Variants in COL6A2 observed in about 807,000 individuals in gnomAD.
COL6A2 encodes collagen alpha-2(VI) chain.
In COL6A2, 90 loss-of-function variants were observed where a neutral mutation model predicts 124.9. That is an observed-to-expected ratio of 0.72 (90% CI 0.61 to 0.86). The LOEUF is 0.86. Ranked by LOEUF, COL6A2 falls within the 40% of genes least tolerant of loss-of-function variation. The pLI is 0.00. For missense variants in COL6A2, 1,607 were observed against 1,502.5 expected (o/e 1.07, Z -1.15); for synonymous variants, 793 against 618.2 (o/e 1.28, Z -4.19).
chr21:46,132,055 T>C lies in COL6A2; in HGVS notation c.2563T>C (p.Phe855Leu). 1 of 1,607,284 alleles carries C rather than the reference T, an allele frequency of 6.2e-7. No homozygotes were observed. Among genetic ancestry groups the C allele is most frequent in the Non-Finnish European group, 8.5e-7 (1 of 1,178,884 alleles). Reference sequence around the variant, plus strand: ...GCAGAACTTCCACAAGGCCCGGCGCTTCGTGGAGCAGGTGGCGCGGCGGCT... The same window carrying C: ...GCAGAACTTCCACAAGGCCCGGCGCCTCGTGGAGCAGGTGGCGCGGCGGCT... ...GEQNFHKARR[F>L]VEQVARRLTL... Residue 855 changes from phenylalanine to leucine, a missense_variant, in exon 28 of 28, where the codon TTC becomes CTC. Around this residue, in one of 3 missense-constraint regions of COL6A2, gnomAD observed 1,223 missense variants for 1,052.2 expected, o/e 1.16. Transcript: ENST00000300527.
At chr21:46,126,716 G>A (rs1197737429) in intron 27 of COL6A2, among the ~76,000 whole-genome samples, 175 bp downstream of exon 27, 1 of 152,168 alleles carries the variant, frequency 6.6e-6, no homozygotes, top group Non-Finnish European at 1.5e-5. Context: ...GGGGAGGAGG[G>A]GCTTGGGGAA....
intron 5 of COL6A2, 109 bp from the exon 6 acceptor site, chr21:46,115,763 G>A: frequency 1.0e-6 from 1 of 973,188 alleles, no homozygotes; most frequent in Admixed American, 2.0e-5. Flanking sequence ...CTTGGGCAGG[G>A]GAATCAGTAA....
chr21:46,112,741 C>G, intron 3 of COL6A2, 63 bp from the exon 4 acceptor site: 13 of 1,612,106 alleles, frequency 8.1e-6, no homozygotes, highest in South Asian at 1.1e-5. Flanking sequence ...CACCCAGACT[C>G]GAGGTGCAGC....
chr21:46,112,665 T>G (rs1759398315), intron 3 of COL6A2, 88 bp downstream of exon 3: 7 of 1,592,026 alleles, frequency 4.4e-6, no homozygotes, highest in Non-Finnish European at 6.0e-6. Context: ...TACCCCTCTG[T>G]GAGTGCGGAG....
In COL6A2 at chr21:46,117,620, A is replaced by T. The variant is rs1163595298; in HGVS notation, c.1053+167A>T. 3.7e-6 allele frequency: 3 copies of T among 803,494 alleles called. No individual in the cohort carries two copies. The African/African-American group carries it at 5.1e-5, about 14-fold the overall frequency. The allele number at this position is 803,494 out of a possible 1,614,324, so 49.8% of individuals were successfully genotyped here. A position where few individuals can be genotyped will look rare whatever the true frequency, so the allele number is the denominator to read the frequency against. On this transcript the variant is annotated intron_variant, in intron 11 of 27. Transcript: ENST00000300527. ...CATTCTGCCGGGTCGGAGTCATGTG[A>T]GGAACTCCCCCTGGGAGCTCCTGGC...
chr21:46,124,194 A>G (rs1568937716), intron 21 of COL6A2, among the ~76,000 whole-genome samples: 1 of 148,606 alleles, frequency 6.7e-6, no homozygotes, highest in Non-Finnish European at 1.5e-5. Flanking sequence ...GGATGAATGG[A>G]TGGGTTAGTG....
chr21:46,109,709 G>A (rs554822449), intron 1 of COL6A2, among the ~76,000 whole-genome samples: 1 of 151,988 alleles, frequency 6.6e-6, no homozygotes. Context: ...CGGCCAGGCT[G>A]TGACAGTGCC....
chr21:46,123,884 TGAGTC>T (rs2078611900), intron 21 of COL6A2, among the ~76,000 whole-genome samples: 2 of 142,304 alleles, frequency 1.4e-5, no homozygotes, highest in Admixed American at 7.0e-5. Flanking sequence ...GATGGATGGG[TGAGTC>T]AGTGGATAGA....
intron 26 of COL6A2, 55 bp downstream of exon 26, chr21:46,126,292 T>C (rs1601252018): frequency 3.2e-6 from 5 of 1,580,150 alleles, no homozygotes; most frequent in Non-Finnish European, 4.3e-6. Flanking sequence ...CCAGCCGCTG[T>C]CTAGCGTGAG....
chr21:46,128,578 G>A (rs1216104244), intron 27 of COL6A2, among the ~76,000 whole-genome samples: 1 of 152,242 alleles, frequency 6.6e-6, no homozygotes, highest in African/African-American at 2.4e-5. Flanking sequence ...TCAGTTGCGT[G>A]GGGACCAGAG....
chr21:46,111,350 C>A, intron 1 of COL6A2, 100 bp from the exon 2 acceptor site: 3 of 665,642 alleles, frequency 4.5e-6, no homozygotes, highest in Non-Finnish European at 8.1e-6. Context: ...GAGGGCAGTG[C>A]CCCCAATCCC....
intron 21 of COL6A2, among the ~76,000 whole-genome samples, chr21:46,123,851 ATGAGTTAG>A (rs2078609935): frequency 2.1e-5 from 2 of 95,812 alleles, no homozygotes; most frequent in South Asian, 3.0e-4. Context: ...GGATGGATGA[ATGAGTTAG>A]TGGGTTGGCA....
chr21:46,122,916 G>A lies in COL6A2; in HGVS notation c.1650G>A (p.Arg550=). The A allele has an allele frequency of 6.2e-7, 1 of 1,613,168 alleles. No individual in the cohort carries two copies. Among genetic ancestry groups the A allele is most frequent in the Non-Finnish European group, 8.5e-7 (1 of 1,179,860 alleles). The change falls in exon 21 of 28, where the codon AGG becomes AGA. Residue 550 remains arginine (R), a synonymous_variant. Transcript: ENST00000300527. ...TTGGCTTGAAAGGAGAACCTGGGAG[G>A]AAAGGAGAGAAAGGAGAGCCTGTGA... ...GDFGLKGEPG[R]KGEKGEPADP...
At position 46,116,926 on chromosome 21, in the gene COL6A2, TAC is replaced by T. The variant is rs59060956; in HGVS notation, c.999+141_999+142del. The T allele has an allele frequency of 0.12, 77,712 of 634,210 alleles. 1,301 individuals carry two copies. The highest frequency in any genetic ancestry group is 0.26 in the East Asian group (9,039 of 35,346). The allele number at this position is 634,210 out of a possible 1,614,324, so 39.3% of individuals were successfully genotyped here. A position where few individuals can be genotyped will look rare whatever the true frequency, so the allele number is the denominator to read the frequency against. ...CAGCTTACACATGTGTACACACGCA[TAC>T]ACACACACACACACACACACACACA... On this transcript the variant is annotated intron_variant, in intron 10 of 27. Transcript: ENST00000300527. The surrounding 1 kb of genome is among the most constrained non-coding windows in gnomAD (Gnocchi z 4.6).
intron 1 of COL6A2, among the ~76,000 whole-genome samples, chr21:46,111,030 G>A (rs530319344): frequency 1.4e-3 from 209 of 152,296 alleles, no homozygotes; most frequent in Non-Finnish European, 1.6e-3. Context: ...CAGGGGAGCC[G>A]GTCTGGGGAA....
intron 27 of COL6A2, 131 bp from the exon 28 acceptor site, chr21:46,131,823 G>GC: frequency 1.2e-6 from 1 of 864,638 alleles, no homozygotes; most frequent in Non-Finnish European, 1.8e-6. Context: ...CTGCAGAAAC[G>GC]CCCCCGCAGA....
rs369935000 is a variant in COL6A2 at position 46,124,540 on chromosome 21, C to G, written c.1672-111C>G. The stretch of plus-strand genomic sequence containing the variant: ...GTCTTACTCCTTGCACCTGTTAGCC[C>G]CCCCCCCCGCCAAGGGAGGACCCGT... On this transcript the variant is annotated intron_variant, in intron 21 of 27. Transcript: ENST00000300527. 2,357 of 889,326 alleles carry G rather than the reference C, an allele frequency of 2.7e-3. 22 individuals carry two copies. The highest frequency in any genetic ancestry group is 0.014 in the Middle Eastern group (45 of 3,194). The allele number at this position is 889,326 out of a possible 1,614,324, so 55.1% of individuals were successfully genotyped here.
chr21:46,120,913 G>A, intron 16 of COL6A2, 148 bp from the exon 17 acceptor site: 1 of 783,124 alleles, frequency 1.3e-6, no homozygotes, highest in South Asian at 1.5e-5. Flanking sequence ...AAGGTCAAGT[G>A]GAGCCACAGC....
chr21:46,122,234 T>G, intron 19 of COL6A2, 76 bp downstream of exon 19: 1 of 1,503,518 alleles, frequency 6.7e-7, no homozygotes, highest in Non-Finnish European at 9.2e-7. Flanking sequence ...TTCCTAGTAG[T>G]TCCCTCAAGG....
Sources: gnomAD v4.1 joint callset for allele counts (sites outside exome capture counted in the v4.1 genomes callset) on GRCh38, gnomAD v4.1.1 for gene constraint, gnomAD v4.1.1 regional missense constraint, Gnocchi (gnomAD v3.1) non-coding constraint, MANE v1.5 for transcripts, NCBI Gene and HGNC (gene_info 2026-07-23, HGNC 2026-07-21) for gene names.